PSCA: variants seen among roughly 807,000 people sequenced by gnomAD.
PSCA encodes prostate stem cell antigen.
In PSCA, 7 loss-of-function variants were observed where a neutral mutation model predicts 7.9. The observed-to-expected ratio is 0.89, with a 90% CI of 0.51 to 1.67. The LOEUF (loss-of-function observed/expected upper bound fraction) is 1.67, where lower values mean the gene tolerates loss of function less well. Ranked by LOEUF, PSCA falls within the 40% of genes most tolerant of loss-of-function variation. The probability of loss-of-function intolerance (pLI) is 0.00; values close to 1 mark genes in which losing one functional copy is unlikely to be tolerated. For synonymous variants in PSCA, 61 were observed against 68.3 expected (o/e 0.89, Z 0.53); for missense variants, 151 against 147.9 (o/e 1.02, Z -0.11).
At chr8:142,678,244 A>G (rs1847420628), upstream of PSCA, among the ~76,000 whole-genome samples, 1 of 152,094 alleles carries the variant, frequency 6.6e-6, no homozygotes, top group Non-Finnish European at 1.5e-5. Flanking sequence ...CGAGGAGAGG[A>G]GGTAACAATG....
At chr8:142,671,022 A>T (rs188584337) in intron 1 of PSCA, among the ~76,000 whole-genome samples, 11 of 152,368 alleles carry the variant, frequency 7.2e-5, no homozygotes, top group Admixed American at 6.5e-4. Flanking sequence ...TGTAAGCGCT[A>T]TGTAGATAGT....
upstream of PSCA, among the ~76,000 whole-genome samples, chr8:142,675,717 A>G (rs1389775099): frequency 3.9e-5 from 6 of 152,062 alleles, no homozygotes; most frequent in African/African-American, 1.4e-4. Context: ...GGCACATACA[A>G]ACCCTCACAG....
intron 1 of PSCA, 168 bp downstream of exon 1, chr8:142,680,731 A>T (rs1014700254): frequency 1.1e-6 from 1 of 905,394 alleles, no homozygotes; most frequent in Non-Finnish European, 1.7e-6. Flanking sequence ...TCTTGGCACG[A>T]CCAGGCAGCG....
chr8:142,672,127 C>T (rs1400252708), intron 1 of PSCA, among the ~76,000 whole-genome samples: 3 of 152,194 alleles, frequency 2.0e-5, no homozygotes, highest in Admixed American at 6.5e-5. Flanking sequence ...AGCCTTGCTC[C>T]ATCTGCATTG....
At chr8:142,674,649 T>A (rs1275056283) in intron 1 of PSCA, among the ~76,000 whole-genome samples, 2 of 152,168 alleles carry the variant, frequency 1.3e-5, no homozygotes, top group African/African-American at 4.8e-5. Context: ...GTTTCCAGTG[T>A]CTCCTGGGGG....
In PSCA at chr8:142,682,577, AG is replaced by A; in HGVS notation, c.*447del. Reference sequence around the variant, plus strand: ...GATGAAGTGGACTGAGTAGAACTGGAGGACAGGAGTCGACGTGAGTTCCTGG... The same window carrying A: ...GATGAAGTGGACTGAGTAGAACTGGAGACAGGAGTCGACGTGAGTTCCTGG... On this transcript the variant is annotated 3_prime_UTR_variant, in exon 3 of 3. Transcript: ENST00000301258. 1 of 386,722 alleles carries A rather than the reference AG, an allele frequency of 2.6e-6. No homozygotes were observed. The highest frequency in any genetic ancestry group is 5.2e-6 in the Non-Finnish European group (1 of 192,366). 24.0% of individuals were successfully genotyped at this position (386,722 alleles called of 1,614,324 possible). A position where few individuals can be genotyped will look rare whatever the true frequency, so the allele number is the denominator to read the frequency against.
chr8:142,681,154 T>C, intron 1 of PSCA, 173 bp from the exon 2 acceptor site: 2 of 579,738 alleles, frequency 3.4e-6, no homozygotes, highest in South Asian at 2.1e-5. Context: ...AGGGCAACAT[T>C]TCGGAGGCAC....
In PSCA at chr8:142,682,497, G is replaced by C; in HGVS notation, c.*365G>C. 1 of 532,926 alleles carries C rather than the reference G, an allele frequency of 1.9e-6. No individual in the cohort carries two copies. Among genetic ancestry groups the C allele is most frequent in the Non-Finnish European group, 3.6e-6 (1 of 276,732 alleles). The allele number at this position is 532,926 out of a possible 1,614,324, so 33.0% of individuals were successfully genotyped here. A position where few individuals can be genotyped will look rare whatever the true frequency, so the allele number is the denominator to read the frequency against. On this transcript the variant is annotated 3_prime_UTR_variant, in exon 3 of 3. Coordinates refer to ENST00000301258, the MANE Select transcript of PSCA (RefSeq NM_005672.5). ...TGACTTGAGCCAGGTCTGGTCCGTG[G>C]TGTCCCCCGCACCCAGCAGGGGACA...
upstream of PSCA, among the ~76,000 whole-genome samples, chr8:142,678,212 A>G (rs1847420350): frequency 6.6e-6 from 1 of 152,198 alleles, no homozygotes; most frequent in Admixed American, 6.5e-5. Flanking sequence ...AAAATGTGCC[A>G]GAGCCTTTTC....
chr8:142,671,366 C>A (rs1163792916), intron 1 of PSCA, among the ~76,000 whole-genome samples: 3 of 152,190 alleles, frequency 2.0e-5, no homozygotes, highest in Non-Finnish European at 4.4e-5. Context: ...GAAACAGGGC[C>A]TCTCCTGGAG....
At chr8:142,675,365 T>C (rs1276549490) in intron 1 of PSCA, among the ~76,000 whole-genome samples, 1 of 152,256 alleles carries the variant, frequency 6.6e-6, no homozygotes, top group African/African-American at 2.4e-5. Flanking sequence ...AGGGCCCTGA[T>C]GACGCCTTTG....
At position 142,682,189 on chromosome 8, in the gene PSCA, C is replaced by T. The variant is rs781860004; in HGVS notation, c.*57C>T. 5.9e-5 allele frequency: 90 copies of T among 1,532,914 alleles called. No homozygotes were observed. In the African/African-American group the frequency reaches 9.0e-4, roughly 15 times the overall value. The allele number at this position is 1,532,914 out of a possible 1,614,324, so 95.0% of individuals were successfully genotyped here. A position where few individuals can be genotyped will look rare whatever the true frequency, so the allele number is the denominator to read the frequency against. On this transcript the variant is annotated 3_prime_UTR_variant, in exon 3 of 3. Coordinates refer to ENST00000301258, the MANE Select transcript of PSCA (RefSeq NM_005672.5). Reference sequence around the variant, plus strand: ...GGTGTGGTGCCCCAGGCCTCTGTGCCACTCCTCACACACCCGGCCCAGTGG... The same window carrying T: ...GGTGTGGTGCCCCAGGCCTCTGTGCTACTCCTCACACACCCGGCCCAGTGG...
At chr8:142,678,708 C>G (rs1346137844), upstream of PSCA, among the ~76,000 whole-genome samples, 4 of 65,160 alleles carry the variant, frequency 6.1e-5, no homozygotes, top group South Asian at 1.9e-3. Context: ...GCCACCACCA[C>G]CCAGCCACTG....
upstream of PSCA, among the ~76,000 whole-genome samples, chr8:142,679,580 C>CA (rs1427691651): frequency 6.6e-6 from 1 of 152,182 alleles, no homozygotes; most frequent in Non-Finnish European, 1.5e-5. Flanking sequence ...AGACATCAAT[C>CA]AAATATATTG....
rs1554638432 is a variant in PSCA, at chr8:142,682,034, T to C, written c.247T>C (p.Cys83Arg). ...CATCACGTGCTGTGACACCGACTTGTGCAACGCCAGCGGGGCCCATGCCCT... is the reference window on the plus strand; with the variant it reads ...CATCACGTGCTGTGACACCGACTTGCGCAACGCCAGCGGGGCCCATGCCCT... Reference protein sequence around the residue: ...KNITCCDTDLCNASGAHALQP... With the variant: ...KNITCCDTDLRNASGAHALQP... The change falls in exon 3 of 3, where the codon TGC becomes CGC. Residue 83 changes from cysteine (C) to arginine (R), a missense_variant. Coordinates refer to ENST00000301258, the MANE Select transcript of PSCA (RefSeq NM_005672.5). 19 of 1,612,902 alleles carry C rather than the reference T, an allele frequency of 1.2e-5. No homozygotes were observed. Among genetic ancestry groups the C allele is most frequent in the Admixed American group, 1.7e-5 (1 of 59,990 alleles).
upstream of PSCA, chr8:142,680,355 C>A: frequency 1.6e-6 from 1 of 638,678 alleles, no homozygotes. Context: ...GAGGGAGGTG[C>A]AGGTCGCTCA....
At chr8:142,680,668 G>A in intron 1 of PSCA, 105 bp downstream of exon 1, 3 of 1,418,384 alleles carry the variant, frequency 2.1e-6, no homozygotes, top group South Asian at 1.2e-5. Flanking sequence ...GAAGGAGGAA[G>A]GGAGAGGAAG....
In PSCA at chr8:142,682,137, T is replaced by TG; in HGVS notation, c.*11dup. The TG allele has an allele frequency of 4.4e-6, 7 of 1,596,820 alleles. No individual in the cohort carries two copies. Among genetic ancestry groups the TG allele is most frequent in the Non-Finnish European group, 5.9e-6 (7 of 1,178,170 alleles). Reference sequence around the variant, plus strand: ...TGGGGACCCGGCCAGCTCTAGGCTCTGGGGGGCCCCGCTGCAGCCCACACT... The same window carrying TG: ...TGGGGACCCGGCCAGCTCTAGGCTCTGGGGGGGCCCCGCTGCAGCCCACACT... On this transcript the variant is annotated 3_prime_UTR_variant, in exon 3 of 3. Transcript: ENST00000301258.
In PSCA at chr8:142,673,965, C is replaced by T. The variant is rs587655788; in HGVS notation, n.261+3397C>T. Among the ~76,000 whole-genome samples, 123 of 146,914 alleles carry T rather than the reference C, an allele frequency of 8.4e-4. No individual in the cohort carries two copies. Among genetic ancestry groups the T allele is most frequent in the African/African-American group, 2.7e-3 (107 of 39,678 alleles). On this transcript the variant is annotated intron_variant and non_coding_transcript_variant, in intron 1 of 1. Transcript: ENST00000505305. The surrounding 1 kb of genome is among the most constrained non-coding windows in gnomAD (Gnocchi z 4.6). ...ATCCCCTCATCTTCCTAATGAATAA[C>T]GGCTGGGAATCGTTTCAGTCTAACC...
Sources: allele counts gnomAD v4.1 joint callset (sites outside exome capture counted in the v4.1 genomes callset), GRCh38; gene constraint gnomAD v4.1.1; non-coding constraint Gnocchi (gnomAD v3.1); transcripts MANE v1.5; gene names NCBI Gene and HGNC (gene_info 2026-07-23, HGNC 2026-07-21).